Variants in FAM153A observed in about 807,000 individuals in gnomAD.
FAM153A encodes the protein protein FAM153A.
A neutral mutation model predicts 48.1 loss-of-function variants in FAM153A; 12 were observed. The observed-to-expected ratio is 0.25, with a 90% CI of 0.16 to 0.40. The LOEUF is 0.40. Among genes scored for constraint, FAM153A ranks in the 10% least tolerant of loss-of-function variants. The pLI is 1.00. For missense variants in FAM153A, 111 were observed against 345.8 expected, an observed-to-expected ratio of 0.32 and a Z score of 5.38; for synonymous variants, 36 against 118.2, an observed-to-expected ratio of 0.30 and a Z score of 4.51.
chr5:177,757,131 TA>T (rs1251408816), upstream of FAM153A, among the ~76,000 whole-genome samples: 3 of 79,536 alleles, frequency 3.8e-5, no homozygotes, highest in African/African-American at 1.4e-4. Flanking sequence ...ACAGAGGCAA[TA>T]AAAAATGATA....
chr5:177,781,461 T>C (rs1487995489), upstream of FAM153A: 5 of 109,606 alleles, frequency 4.6e-5, no homozygotes, highest in Non-Finnish European at 7.6e-5. Flanking sequence ...TAAAAGACAG[T>C]AGGTGTCATG....
chr5:177,782,727 T>TCCCAATCCGTGATCCAACC, upstream of FAM153A: 1 of 60,904 alleles, frequency 1.6e-5, no homozygotes, highest in Non-Finnish European at 3.3e-5. Context: ...CCGATCCAAA[T>TCCCAATCCGTGATCCAACC]CCCAATCCGC....
intron 25 of FAM153A, among the ~76,000 whole-genome samples, chr5:177,715,286 C>T (rs1221207862): frequency 2.2e-4 from 32 of 145,364 alleles, no homozygotes; most frequent in Admixed American, 2.1e-4. Context: ...CCGGCCATCT[C>T]TATTTCTTAT....
At chr5:177,710,328 T>A (rs1459217611), downstream of FAM153A, among the ~76,000 whole-genome samples, 1 of 151,384 alleles carries the variant, frequency 6.6e-6, no homozygotes, top group Non-Finnish European at 1.5e-5. Flanking sequence ...GCCAGGCTGG[T>A]CTTGAACTCC....
chr5:177,728,641 C>T (rs1763143182), intron 18 of FAM153A, among the ~76,000 whole-genome samples: 1 of 149,676 alleles, frequency 6.7e-6, no homozygotes, highest in South Asian at 2.1e-4. Context: ...AACCTTGGCT[C>T]ACCGCAACCT....
At chr5:177,707,809 C>T (rs1285058754), downstream of FAM153A, among the ~76,000 whole-genome samples, 2 of 151,920 alleles carry the variant, frequency 1.3e-5, no homozygotes, top group Middle Eastern at 3.4e-3. Flanking sequence ...GATCCACCCA[C>T]CTCGGACTCC....
chr5:177,711,237 T>C (rs1328958235), exon 27 of FAM153A: 2 of 151,902 alleles, frequency 1.3e-5, no homozygotes, highest in Non-Finnish European at 2.9e-5. Context: ...ATTGGTCTTG[T>C]GTAAAATTTT....
At chr5:177,698,807 G>A in the FAM153A span, among the ~76,000 whole-genome samples, 6,935 of 151,388 alleles carry the variant, frequency 0.046, 491 homozygotes, top group African/African-American at 0.14. Flanking sequence ...CACAGCATGT[G>A]CCACCATGCC....
chr5:177,707,753 G>T (rs1467936211), downstream of FAM153A, among the ~76,000 whole-genome samples: 3 of 151,708 alleles, frequency 2.0e-5, no homozygotes, highest in East Asian at 1.9e-4. Context: ...TAGAGATGGG[G>T]TTTCACCATG....
chr5:177,702,028 C>G, the FAM153A span, among the ~76,000 whole-genome samples: 3,553 of 151,646 alleles, frequency 0.023, 198 homozygotes, highest in African/African-American at 0.082. Flanking sequence ...CTGCCTCAGC[C>G]TCCCGAGTAG....
upstream of FAM153A, among the ~76,000 whole-genome samples, chr5:177,782,009 C>G (rs1217025916): frequency 1.2e-4 from 13 of 104,542 alleles, no homozygotes; most frequent in African/African-American, 3.1e-4. Context: ...GATTACAGGC[C>G]TGAGCCACCG....
At chr5:177,718,499 AG>A (rs1242961304), downstream of FAM153A, 1 of 133,730 alleles carries the variant, frequency 7.5e-6, no homozygotes, top group Admixed American at 7.4e-5. Flanking sequence ...TGGAGGTTCC[AG>A]TCCTTCTACT....
chr5:177,701,583 T>TA, the FAM153A span, among the ~76,000 whole-genome samples: 1 of 111,232 alleles, frequency 9.0e-6, no homozygotes, highest in Non-Finnish European at 1.9e-5. Context: ...AGATAAATTT[T>TA]AAAAAATAAA....
chr5:177,771,711 C>G (rs1268463262), intron 1 of FAM153A, among the ~76,000 whole-genome samples: 1 of 97,110 alleles, frequency 1.0e-5, no homozygotes, highest in Non-Finnish European at 2.1e-5. Context: ...GCGGTTACTT[C>G]TGAGCAGCTG....
upstream of FAM153A, among the ~76,000 whole-genome samples, chr5:177,756,262 G>T (rs1767718731): frequency 6.7e-6 from 1 of 148,526 alleles, no homozygotes; most frequent in African/African-American, 2.5e-5. Flanking sequence ...ATGGTAAAGG[G>T]ATCAATTCAA....
At chr5:177,709,784 C>A (rs1318683361), downstream of FAM153A, among the ~76,000 whole-genome samples, 4 of 124,544 alleles carry the variant, frequency 3.2e-5, no homozygotes, top group Admixed American at 3.3e-4. Context: ...GATTCTCCTG[C>A]CTCAGCCTCG....
chr5:177,754,733 A>T (rs1272226586), upstream of FAM153A, among the ~76,000 whole-genome samples: 2 of 151,906 alleles, frequency 1.3e-5, no homozygotes, highest in East Asian at 3.8e-4. Context: ...CAAGGTCCGG[A>T]GTGGACCTCC....
At chr5:177,756,657 A>G (rs1366751006), upstream of FAM153A, among the ~76,000 whole-genome samples, 2 of 151,930 alleles carry the variant, frequency 1.3e-5, no homozygotes, top group East Asian at 3.8e-4. Context: ...CAGTGCAATC[A>G]AACTAGAACT....
At chr5:177,729,683 G>T in intron 16 of FAM153A, 128 bp from the exon 19 acceptor site, 1 of 1,549,482 alleles carries the variant, frequency 6.5e-7, no homozygotes, top group Admixed American at 1.8e-5. Context: ...AGCTGCTGCC[G>T]GTCCATCCTC....
Sources: gnomAD v4.1 joint callset for allele counts (sites outside exome capture counted in the v4.1 genomes callset) on GRCh38, gnomAD v4.1.1 for gene constraint, MANE v1.5 for transcripts, NCBI Gene and HGNC (gene_info 2026-07-23, HGNC 2026-07-21) for gene names.